Variants in MYH7B observed in about 807,000 individuals in gnomAD.
The protein encoded by MYH7B is myosin heavy chain 7B.
In MYH7B, 205 loss-of-function variants were observed where a neutral mutation model predicts 234.5. The observed-to-expected ratio is 0.87, with a 90% CI of 0.78 to 0.98. The LOEUF (loss-of-function observed/expected upper bound fraction) is 0.98, where lower values mean the gene tolerates loss of function less well. Ranked by LOEUF, MYH7B falls within the 50% of genes least tolerant of loss-of-function variation. MYH7B has a pLI of 0.00. For missense variants in MYH7B, 2,652 were observed against 2,633.4 expected (o/e 1.01, Z -0.15); for synonymous variants, 1,193 against 1,105.0 (o/e 1.08, Z -1.58).
intron 27 of MYH7B, 24 bp downstream of exon 27, chr20:34,994,425 C>G: frequency 6.5e-7 from 1 of 1,544,606 alleles, no homozygotes. Flanking sequence ...CCCCTTGTGA[C>G]CGGGCGTCCC....
chr20:34,987,707 A>T, intron 17 of MYH7B, 32 bp downstream of exon 17: 1 of 1,611,906 alleles, frequency 6.2e-7, no homozygotes. Context: ...CCCATGGGGG[A>T]CAGCCGGGCA....
chr20:34,991,049 G>C (rs1361071495), exon 24 of MYH7B: 2 of 1,613,946 alleles, frequency 1.2e-6, no homozygotes, highest in Non-Finnish European at 1.7e-6. Flanking sequence ...CGCTGCAATG[G>C]GGTCCTGGAG....
Position 34,984,787 on chromosome 20 carries a change from G to C in MYH7B, c.649-67G>C, listed in dbSNP as rs558898155. On this transcript the variant is annotated intron_variant, in intron 11 of 44. Transcript: ENST00000262873. ...TTCCTCTGCACAACAGAGGGGCCAC[G>C]GGTGGCTCTGGCCTCCCGGTGGGTA... 7 of 1,601,126 alleles carry C rather than the reference G, an allele frequency of 4.4e-6. No individual in the cohort carries two copies. In the East Asian group the frequency reaches 1.6e-4, roughly 36 times the overall value.
At chr20:34,984,761 C>G (rs1223376949) in intron 11 of MYH7B, 46 bp downstream of exon 11, 2 of 1,606,094 alleles carry the variant, frequency 1.2e-6, no homozygotes, top group Admixed American at 1.7e-5. Context: ...GGGGTACCCC[C>G]TTCCTCTGCA....
exon 23 of MYH7B, chr20:34,990,757 T>G (rs770503764): frequency 4.3e-6 from 7 of 1,614,054 alleles, no homozygotes; most frequent in Non-Finnish European, 5.1e-6. Context: ...AACAAGCTGA[T>G]GACCAACCTG....
At chr20:34,974,862 G>A (rs193183940) in intron 2 of MYH7B, among the ~76,000 whole-genome samples, 9 of 152,278 alleles carry the variant, frequency 5.9e-5, no homozygotes, top group Non-Finnish European at 1.2e-4. Flanking sequence ...GCAAGGTGCC[G>A]GGGACACAGA....
chr20:34,977,738 G>GGGGGGGGGGGGGGGGGGGGGGGCCCCCC, intron 4 of MYH7B, 58 bp downstream of exon 4: 2 of 317,148 alleles, frequency 6.3e-6, no homozygotes, highest in Non-Finnish European at 5.9e-6. Context: ...GGGCGGGTGG[G>GGGGGGGGGGGGGGGGGGGGGGGCCCCCC]TGAGGGTGCC....
chr20:34,995,722 T>A lies in MYH7B; in HGVS notation c.2943+144T>A, dbSNP rs932407874. ...ACTGCCTTTCCTGGGCCTCAGTTTC[T>A]TTATCTGTCAAGTGGGGTTAGCAGC... is the stretch of plus-strand genomic sequence containing the variant. On this transcript the variant is annotated intron_variant, in intron 28 of 44. Transcript: ENST00000262873. 5 of 1,341,986 alleles carry A rather than the reference T, an allele frequency of 3.7e-6. No homozygotes were observed. In the Admixed American group the frequency reaches 1.3e-4, roughly 34 times the overall value. The allele number at this position is 1,341,986 out of a possible 1,614,324, so 83.1% of individuals were successfully genotyped here.
chr20:34,995,470 C>G, exon 28 of MYH7B: 1 of 1,614,026 alleles, frequency 6.2e-7, no homozygotes, highest in Non-Finnish European at 8.5e-7. Flanking sequence ...ACCTGGCCGC[C>G]CGCCGGCGCA....
intron 2 of MYH7B, among the ~76,000 whole-genome samples, chr20:34,963,175 A>G (rs182197446): frequency 1.6e-4 from 24 of 152,392 alleles, no homozygotes; most frequent in Non-Finnish European, 3.4e-4. Flanking sequence ...AAAAGTCTGT[A>G]CATGCTCAGT....
intron 10 of MYH7B, among the ~76,000 whole-genome samples, chr20:34,983,773 C>G (rs1489798730): frequency 1.3e-5 from 2 of 152,230 alleles, no homozygotes; most frequent in East Asian, 3.8e-4. Context: ...CTCCCCTGCC[C>G]AATGTCCCTG....
intron 2 of MYH7B, among the ~76,000 whole-genome samples, chr20:34,961,000 T>G (rs1294851809): frequency 6.6e-6 from 1 of 151,994 alleles, no homozygotes; most frequent in Non-Finnish European, 1.5e-5. Context: ...AACTCTAGGG[T>G]CTGTGCCCTG....
rs558488358 is a variant in MYH7B, at chr20:34,986,408, C to G, written c.904+210C>G. ...ACCTGCCAACGTGTTATCGCTGCCT[C>G]CAGGAGCCTAAGCCCTAAACCCCAC... On this transcript the variant is annotated intron_variant, in intron 14 of 44. Transcript: ENST00000262873. 2.0e-5 allele frequency among the ~76,000 whole-genome samples: 3 copies of G among 152,242 alleles called. No individual in the cohort carries two copies. In the South Asian group the frequency reaches 6.2e-4, roughly 31 times the overall value.
At chr20:34,992,493 G>A (rs2082173441) in intron 24 of MYH7B, among the ~76,000 whole-genome samples, 1 of 150,592 alleles carries the variant, frequency 6.6e-6, no homozygotes. Flanking sequence ...TTTAAAAATA[G>A]TGCATGCCTT....
chr20:34,957,484 C>CTTTTT (rs71196770), intron 1 of MYH7B, among the ~76,000 whole-genome samples: 42 of 104,322 alleles, frequency 4.0e-4, no homozygotes, highest in East Asian at 1.1e-3. Flanking sequence ...CCTTTTGACT[C>CTTTTT]TTTTTTTTTT....
At chr20:34,982,699 G>A (rs1328661540) in intron 10 of MYH7B, 144 bp downstream of exon 10, 1 of 716,626 alleles carries the variant, frequency 1.4e-6, no homozygotes, top group Non-Finnish European at 2.2e-6. Flanking sequence ...ACCCTGGTGG[G>A]GGACTCTGGC....
At chr20:34,956,675 G>A (rs1600398451) in intron 1 of MYH7B, among the ~76,000 whole-genome samples, 1 of 152,210 alleles carries the variant, frequency 6.6e-6, no homozygotes, top group Non-Finnish European at 1.5e-5. Context: ...CTTGAAGGAT[G>A]GATAGGAAGG....
At chr20:34,957,816 T>C (rs895673443) in intron 1 of MYH7B, among the ~76,000 whole-genome samples, 2 of 152,188 alleles carry the variant, frequency 1.3e-5, no homozygotes, top group African/African-American at 4.8e-5. Flanking sequence ...ATAAACCATG[T>C]ACATTATCTG....
chr20:34,995,624 A>T (rs369576461), intron 28 of MYH7B, 46 bp downstream of exon 28: 1 of 1,604,864 alleles, frequency 6.2e-7, no homozygotes, highest in African/African-American at 1.3e-5. Flanking sequence ...GCCAGGGGCC[A>T]GCTTTGGGGC....
Sources: allele counts gnomAD v4.1 joint callset (sites outside exome capture counted in the v4.1 genomes callset), GRCh38; gene constraint gnomAD v4.1.1; transcripts MANE v1.5; gene names NCBI Gene and HGNC (gene_info 2026-07-23, HGNC 2026-07-21).